Variants in DNA2 observed in about 807,000 individuals in gnomAD.
The protein encoded by DNA2 is DNA replication ATP-dependent helicase/nuclease DNA2.
A neutral mutation model predicts 119.1 loss-of-function variants in DNA2; 101 were observed. The ratio of observed to expected loss-of-function variants is 0.85; its 90% confidence interval spans 0.72 to 1.00. DNA2 has a LOEUF of 1.00. Ranked by LOEUF, DNA2 falls within the 50% of genes least tolerant of loss-of-function variation. The probability of loss-of-function intolerance (pLI) is 0.00; values close to 1 mark genes in which losing one functional copy is unlikely to be tolerated. For synonymous variants in DNA2, 366 were observed against 424.4 expected, an observed-to-expected ratio of 0.86 and a Z score of 1.69; for missense variants, 1,121 against 1,255.5, an observed-to-expected ratio of 0.89 and a Z score of 1.62.
intron 5 of DNA2, among the ~76,000 whole-genome samples, chr10:68,456,792 C>A (rs1046063914): frequency 4.6e-5 from 7 of 150,888 alleles, no homozygotes; most frequent in African/African-American, 1.5e-4. Flanking sequence ...TATTAGTATA[C>A]ATGGAAGTCG....
intron 17 of DNA2, 86 bp from the exon 18 acceptor site, chr10:68,419,978 C>A: frequency 3.0e-6 from 3 of 997,156 alleles, no homozygotes; most frequent in South Asian, 2.9e-5. Context: ...ACTATACTAC[C>A]GACTTGGAGA....
intron 5 of DNA2, 144 bp downstream of exon 5, chr10:68,458,960 A>G: frequency 1.5e-6 from 1 of 679,262 alleles, no homozygotes. Context: ...ATGGAAAGAT[A>G]CTTAGGACCA....
At position 68,419,024 on chromosome 10, in the gene DNA2, A is replaced by G. The variant is rs1331398840; in HGVS notation, c.2967+10T>C. ...CCCAAATGAATCAGTAGCAAACACA[A>G]TTAACTCACAGTTCCATCCTTATTA... is the stretch of plus-strand genomic sequence containing the variant. On this transcript the variant is annotated intron_variant, in intron 19 of 20. Coordinates refer to ENST00000358410, the MANE Select transcript of DNA2 (RefSeq NM_001080449.3). 7.6e-6 allele frequency: 12 copies of G among 1,574,510 alleles called. No individual in the cohort carries two copies. The South Asian group carries it at 1.4e-4, about 19-fold the overall frequency.
At chr10:68,437,669 AAAAAC>A (rs10696359) in intron 9 of DNA2, among the ~76,000 whole-genome samples, 1 of 147,586 alleles carries the variant, frequency 6.8e-6, no homozygotes, top group Non-Finnish European at 1.5e-5. Flanking sequence ...AAACAAAAAC[AAAAAC>A]AAAACAAAAC....
At chr10:68,466,821 C>T (rs988812178) in intron 3 of DNA2, among the ~76,000 whole-genome samples, 2 of 152,056 alleles carry the variant, frequency 1.3e-5, no homozygotes, top group African/African-American at 2.4e-5. Context: ...CCTCGTGATC[C>T]GCCAGCCTTG....
intron 4 of DNA2, among the ~76,000 whole-genome samples, chr10:68,463,018 G>A (rs2052278983): frequency 6.6e-6 from 1 of 151,950 alleles, no homozygotes; most frequent in Non-Finnish European, 1.5e-5. Flanking sequence ...TGTAATCCCA[G>A]CTAAAGAGAA....
intron 2 of DNA2, among the ~76,000 whole-genome samples, 182 bp downstream of exon 2, chr10:68,469,799 T>C (rs2052365284): frequency 6.6e-6 from 1 of 152,102 alleles, no homozygotes; most frequent in South Asian, 2.1e-4. Flanking sequence ...AAGTCAATTT[T>C]TGGAATATGA....
chr10:68,464,726 G>A (rs1406534536), intron 4 of DNA2, among the ~76,000 whole-genome samples: 1 of 149,554 alleles, frequency 6.7e-6, no homozygotes, highest in African/African-American at 2.5e-5. Context: ...CTACTCGGGA[G>A]GCTGAGGCAG....
rs574420436 is a variant in DNA2 at position 68,437,377 on chromosome 10, T to A, written c.1416-136A>T. 39 of 748,530 alleles carry A rather than the reference T, an allele frequency of 5.2e-5. 2 individuals carry two copies. The South Asian group carries it at 7.7e-4, about 15-fold the overall frequency. 46.4% of individuals were successfully genotyped at this position (748,530 alleles called of 1,614,324 possible). Reference sequence around the variant, plus strand: ...GAGGCCGGGTGTGGTGGCTCACGCCTGTAATCCCAACACTCCAGGAGGCCG... The same window carrying A: ...GAGGCCGGGTGTGGTGGCTCACGCCAGTAATCCCAACACTCCAGGAGGCCG... On this transcript the variant is annotated intron_variant, in intron 9 of 20. Transcript: ENST00000358410.
Position 68,419,052 on chromosome 10 carries a change from T to G in DNA2, c.2949A>C (p.Arg983Ser), listed in dbSNP as rs767249503. The G allele has an allele frequency of 1.5e-5, 24 of 1,601,476 alleles. No homozygotes were observed. The highest frequency in any genetic ancestry group is 2.0e-5 in the Non-Finnish European group (23 of 1,176,028). ...DKSIVLVSFV[R>S]SNKDGTVGEL... ...AACTCACAGTTCCATCCTTATTACT[T>G]CTAACAAAAGATACTAGGACAATAC... The change falls in exon 19 of 21, where the codon AGA (arginine) becomes AGC (serine). Residue 983 changes from arginine (R) to serine (S), a missense_variant. Transcript: ENST00000358410.
At chr10:68,417,660 A>G (rs2051609886) in intron 19 of DNA2, among the ~76,000 whole-genome samples, 1 of 152,020 alleles carries the variant, frequency 6.6e-6, no homozygotes, top group African/African-American at 2.4e-5. Context: ...CTCAAAAAAA[A>G]AAAAAAAAAA....
Position 68,454,329 on chromosome 10 carries a change from T to C in DNA2, c.720-4082A>G, listed in dbSNP as rs182495477. ...AGGATTCTGAGAATCATGCTTATCA[T>C]TGTAAAAACAATGGGTTAATTTTAA... On this transcript the variant is annotated intron_variant, in intron 5 of 20. Transcript: ENST00000358410. Among the ~76,000 whole-genome samples, 5 of 151,804 alleles carry C rather than the reference T, an allele frequency of 3.3e-5. No homozygotes were observed. In the East Asian group the frequency reaches 7.7e-4, roughly 23 times the overall value.
chr10:68,448,294 G>T (rs968868203), intron 6 of DNA2, among the ~76,000 whole-genome samples: 1 of 151,962 alleles, frequency 6.6e-6, no homozygotes, highest in Non-Finnish European at 1.5e-5. Flanking sequence ...ACCACCTTAG[G>T]TTTCATGAAA....
rs1417488912 is a variant in DNA2 at position 68,439,317 on chromosome 10, C to G, written c.1416-2076G>C. On this transcript the variant is annotated intron_variant, in intron 9 of 20. Transcript: ENST00000358410. ...GCTGAGGCAGGAGAATCACTTGAAC[C>G]TCGGAGGCGGAGGTTGTGGTGAGCC... 4.7e-5 allele frequency among the ~76,000 whole-genome samples: 7 copies of G among 150,416 alleles called. No homozygotes were observed. The East Asian group carries it at 1.4e-3, about 30-fold the overall frequency.
At chr10:68,439,857 T>G (rs76672945) in intron 9 of DNA2, among the ~76,000 whole-genome samples, 1 of 144,260 alleles carries the variant, frequency 6.9e-6, no homozygotes, top group Non-Finnish European at 1.5e-5. Context: ...AAAAAAAAAT[T>G]AGCTGAGCAT....
intron 10 of DNA2, 81 bp from the exon 11 acceptor site, chr10:68,432,591 G>T: frequency 1.2e-6 from 1 of 808,980 alleles, no homozygotes; most frequent in South Asian, 1.6e-5. Flanking sequence ...TCTGCTAAAA[G>T]AATGAATGGG....
intron 3 of DNA2, among the ~76,000 whole-genome samples, chr10:68,467,132 G>C (rs532363076): frequency 1.5e-4 from 23 of 151,956 alleles, no homozygotes; most frequent in African/African-American, 5.5e-4. Flanking sequence ...TGTTTGTTTT[G>C]AGACGGAGTC....
chr10:68,451,027 G>A (rs2052110021), intron 5 of DNA2, among the ~76,000 whole-genome samples: 1 of 151,582 alleles, frequency 6.6e-6, no homozygotes, highest in African/African-American at 2.4e-5. Flanking sequence ...TTGAACCCAG[G>A]AGGCGGAGGT....
At position 68,449,947 on chromosome 10, in the gene DNA2, C is replaced by T. The variant is rs7912091; in HGVS notation, c.939+81G>A. 1,916 of 1,040,512 alleles carry T rather than the reference C, an allele frequency of 1.8e-3. 35 individuals carry two copies. In the African/African-American group the frequency reaches 0.028, roughly 15 times the overall value. 64.5% of individuals were successfully genotyped at this position (1,040,512 alleles called of 1,614,324 possible). A position where few individuals can be genotyped will look rare whatever the true frequency, so the allele number is the denominator to read the frequency against. ...CAAGACCACGCCACTGCTCTCCAGCCTGGGAGACAGAACAAGACTCTGTCT... is the reference window on the plus strand; with the variant it reads ...CAAGACCACGCCACTGCTCTCCAGCTTGGGAGACAGAACAAGACTCTGTCT... On this transcript the variant is annotated intron_variant, in intron 6 of 20. Coordinates refer to ENST00000358410, the MANE Select transcript of DNA2 (RefSeq NM_001080449.3).
Sources: allele counts gnomAD v4.1 joint callset (sites outside exome capture counted in the v4.1 genomes callset), GRCh38; gene constraint gnomAD v4.1.1; transcripts MANE v1.5; gene names NCBI Gene and HGNC (gene_info 2026-07-23, HGNC 2026-07-21).